GABBR2: variants seen among roughly 807,000 people sequenced by gnomAD.
GABBR2 encodes the protein G-protein coupled receptor 51.
GABBR2 carries 23 observed loss-of-function variants against 105.6 expected under a neutral mutation model. The ratio of observed to expected loss-of-function variants is 0.22; its 90% CI spans 0.16 to 0.31. The LOEUF is 0.31. Ranked by LOEUF, GABBR2 falls within the 10% of genes least tolerant of loss-of-function variation. The pLI is 1.00. For synonymous variants in GABBR2, 478 were observed against 499.7 expected (o/e 0.96, Z 0.58); for missense variants, 734 against 1,245.5 (o/e 0.59, Z 6.18).
intron 7 of GABBR2, among the ~76,000 whole-genome samples, chr9:98,414,504 T>G (rs72759683): frequency 0.12 from 17,659 of 152,242 alleles, 1,273 homozygotes; most frequent in South Asian, 0.23. Context: ...CTGAGCTTCA[T>G]TTTGAATGCA....
At chr9:98,637,963 C>T (rs1829904187) in intron 1 of GABBR2, among the ~76,000 whole-genome samples, 1 of 152,144 alleles carries the variant, frequency 6.6e-6, no homozygotes, top group Admixed American at 6.6e-5. Flanking sequence ...TGTAGTATTC[C>T]ATTTAACAAA....
chr9:98,432,409 C>T (rs187773594), intron 7 of GABBR2, among the ~76,000 whole-genome samples: 9 of 152,224 alleles, frequency 5.9e-5, no homozygotes, highest in East Asian at 1.9e-4. Flanking sequence ...TGTAGAAACA[C>T]GGCTGGCATG....
At chr9:98,570,147 C>A (rs988178613) in intron 2 of GABBR2, among the ~76,000 whole-genome samples, 6 of 152,218 alleles carry the variant, frequency 3.9e-5, no homozygotes, top group African/African-American at 9.6e-5. Context: ...TGCCTCCACT[C>A]CCTCACATGA....
Position 98,348,336 on chromosome 9 carries a change from CTTTGTAGTATAT to C in GABBR2, c.1893+14367_1893+14378del, listed in dbSNP as rs559728437. 1.3e-4 allele frequency among the ~76,000 whole-genome samples: 20 copies of C among 152,278 alleles called. No homozygotes were observed. The East Asian group carries it at 3.9e-3, about 29-fold the overall frequency. On this transcript the variant is annotated intron_variant, in intron 13 of 18. Transcript: ENST00000259455. ...ATATCATCTGCTTTGGTTACTATAG[CTTTGTAGTATAT>C]TTTGCAGTCAAGTAGTTGAATGCCT...
intron 13 of GABBR2, 109 bp downstream of exon 13, chr9:98,362,606 A>C (rs1222874809): frequency 1.3e-6 from 1 of 786,638 alleles, no homozygotes; most frequent in Non-Finnish European, 1.8e-6. Flanking sequence ...GAACTGATGA[A>C]GTGTTCCCAG....
intron 1 of GABBR2, among the ~76,000 whole-genome samples, chr9:98,598,753 G>A (rs1257422807): frequency 6.6e-6 from 1 of 152,066 alleles, no homozygotes; most frequent in Non-Finnish European, 1.5e-5. Flanking sequence ...CAGACACTTG[G>A]ACCTAAAAGC....
At chr9:98,509,768 T>A (rs1035351065) in intron 3 of GABBR2, among the ~76,000 whole-genome samples, 2 of 152,234 alleles carry the variant, frequency 1.3e-5, no homozygotes, top group African/African-American at 4.8e-5. Context: ...TATGGGACTA[T>A]GTGAAAAGAC....
chr9:98,435,070 C>A (rs2131578350), intron 7 of GABBR2, among the ~76,000 whole-genome samples: 1 of 152,302 alleles, frequency 6.6e-6, no homozygotes, highest in African/African-American at 2.4e-5. Flanking sequence ...CAGAGCAAAG[C>A]TCTTCTGCAC....
intron 7 of GABBR2, among the ~76,000 whole-genome samples, chr9:98,415,772 C>T (rs1343320963): frequency 6.6e-6 from 1 of 152,212 alleles, no homozygotes; most frequent in Admixed American, 6.5e-5. Context: ...GAGGTCAGGA[C>T]TTTGCCTAGG....
chr9:98,495,016 C>T (rs1442555899), intron 4 of GABBR2, among the ~76,000 whole-genome samples: 2 of 152,232 alleles, frequency 1.3e-5, no homozygotes, highest in Admixed American at 6.5e-5. Context: ...AACCCTGCCC[C>T]AGATGCTTCC....
intron 15 of GABBR2, among the ~76,000 whole-genome samples, chr9:98,304,935 CT>C (rs953616886): frequency 3.1e-5 from 3 of 97,836 alleles, no homozygotes; most frequent in African/African-American, 8.4e-5. Context: ...CCACACCTGG[CT>C]TTTTTTTTGT....
chr9:98,704,511 C>T (rs1830869584), intron 1 of GABBR2, among the ~76,000 whole-genome samples: 1 of 152,096 alleles, frequency 6.6e-6, no homozygotes, highest in Non-Finnish European at 1.5e-5. Flanking sequence ...CACCAAAAAT[C>T]ATCTTTACAA....
At chr9:98,369,599 G>T (rs999560244) in intron 12 of GABBR2, among the ~76,000 whole-genome samples, 3 of 152,216 alleles carry the variant, frequency 2.0e-5, no homozygotes, top group Non-Finnish European at 4.4e-5. Context: ...CCAGGCTTCT[G>T]TTTAGCCTGT....
intron 1 of GABBR2, among the ~76,000 whole-genome samples, chr9:98,681,583 TA>T (rs199727369): frequency 1.3e-5 from 2 of 151,284 alleles, no homozygotes; most frequent in Admixed American, 1.3e-4. Flanking sequence ...TAAAGTATAA[TA>T]AAAAAAAATT....
At chr9:98,503,222 G>C (rs1012610018) in intron 3 of GABBR2, among the ~76,000 whole-genome samples, 1 of 152,264 alleles carries the variant, frequency 6.6e-6, no homozygotes. Context: ...TTCCTGTGAC[G>C]GGAGGGAGCT....
chr9:98,413,505 C>T (rs1832627078), intron 7 of GABBR2, among the ~76,000 whole-genome samples: 1 of 152,012 alleles, frequency 6.6e-6, no homozygotes, highest in Non-Finnish European at 1.5e-5. Flanking sequence ...ATTTTGTACA[C>T]AATTTAAAAT....
chr9:98,299,465 G>T, intron 16 of GABBR2, 112 bp from the exon 17 acceptor site: 4 of 1,129,358 alleles, frequency 3.5e-6, no homozygotes, highest in Non-Finnish European at 5.2e-6. Flanking sequence ...ATTCAGGAGT[G>T]CCCTGAGAAT....
At position 98,494,313 on chromosome 9, in the gene GABBR2, AG is replaced by A. The variant is rs1295821413; in HGVS notation, c.732+2099del. On this transcript the variant is annotated intron_variant, in intron 4 of 18. Coordinates refer to ENST00000259455, the MANE Select transcript of GABBR2 (RefSeq NM_005458.8). ...AGGGACAAGTGGGAGTTGGAGGAAC[AG>A]GGATTTCAATTTTTAAATAAAGTGT... Among the ~76,000 whole-genome samples, 3 of 152,372 alleles carry A rather than the reference AG, an allele frequency of 2.0e-5. No homozygotes were observed. In the East Asian group the frequency reaches 5.8e-4, roughly 29 times the overall value.
intron 1 of GABBR2, among the ~76,000 whole-genome samples, chr9:98,649,113 TTTC>T (rs1246772619): frequency 6.6e-6 from 1 of 152,194 alleles, no homozygotes; most frequent in Non-Finnish European, 1.5e-5. Context: ...CAAAGGCAGA[TTTC>T]TCCTGATTCA....
Sources: gnomAD v4.1 joint callset for allele counts (sites outside exome capture counted in the v4.1 genomes callset) on GRCh38, gnomAD v4.1.1 for gene constraint, MANE v1.5 for transcripts, NCBI Gene and HGNC (gene_info 2026-07-23, HGNC 2026-07-21) for gene names.